The following FGF14 variants were observed in gnomAD, a reference collection of about 807,000 sequenced individuals.
The protein encoded by FGF14 is fibroblast growth factor 14.
A neutral mutation model predicts 25.5 loss-of-function variants in FGF14; 5 were observed. The ratio of observed to expected loss-of-function variants is 0.20; its 90% CI spans 0.10 to 0.41. The LOEUF (loss-of-function observed/expected upper bound fraction) is 0.41. Ranked by LOEUF, FGF14 falls within the 10% of genes least tolerant of loss-of-function variation. FGF14 has a pLI of 1.00. For synonymous variants in FGF14, 138 were observed against 118.3 expected, an observed-to-expected ratio of 1.17 and a Z score of -1.08; for missense variants, 222 against 320.1, an observed-to-expected ratio of 0.69 and a Z score of 2.34.
intron 1 of FGF14, among the ~76,000 whole-genome samples, chr13:102,173,575 C>T (rs1024479835): frequency 1.3e-5 from 2 of 152,118 alleles, no homozygotes; most frequent in African/African-American, 4.8e-5. Flanking sequence ...GTGGAAACAA[C>T]CCAAATGTCC....
chr13:102,207,937 T>A (rs1326537327), intron 1 of FGF14, among the ~76,000 whole-genome samples: 1 of 152,198 alleles, frequency 6.6e-6, no homozygotes. Context: ...TCTACAGAGT[T>A]CACAAAAATG....
At chr13:102,391,478 T>C (rs2058431659) in intron 1 of FGF14, among the ~76,000 whole-genome samples, 1 of 152,238 alleles carries the variant, frequency 6.6e-6, no homozygotes, top group Non-Finnish European at 1.5e-5. Flanking sequence ...TAAGCAATAA[T>C]GATGTAAAAT....
chr13:102,106,436 C>T (rs1301889188), intron 1 of FGF14, among the ~76,000 whole-genome samples: 4 of 151,770 alleles, frequency 2.6e-5, no homozygotes, highest in Non-Finnish European at 5.9e-5. Flanking sequence ...TAGCCAGGCA[C>T]GGTGGTGGAT....
At chr13:102,322,590 T>C (rs2056287216) in intron 1 of FGF14, among the ~76,000 whole-genome samples, 1 of 152,174 alleles carries the variant, frequency 6.6e-6, no homozygotes, top group African/African-American at 2.4e-5. Flanking sequence ...CTCATACTTA[T>C]AAATAAAGTT....
At chr13:101,867,063 A>G (rs544196053) in intron 3 of FGF14, among the ~76,000 whole-genome samples, 1 of 152,236 alleles carries the variant, frequency 6.6e-6, no homozygotes, top group East Asian at 1.9e-4. Context: ...CAAGCCTTAA[A>G]TTGTTCCCGG....
intron 1 of FGF14, among the ~76,000 whole-genome samples, chr13:102,270,564 T>G (rs1371635113): frequency 6.6e-6 from 1 of 152,170 alleles, no homozygotes; most frequent in Non-Finnish European, 1.5e-5. Context: ...TTACACATAT[T>G]GTCAACCTGC....
upstream of FGF14, among the ~76,000 whole-genome samples, chr13:101,921,819 C>T (rs2034025963): frequency 6.6e-6 from 1 of 152,184 alleles, no homozygotes; most frequent in African/African-American, 2.4e-5. Context: ...CTTGCTGTTG[C>T]ATTTGACTCT....
intron 3 of FGF14, among the ~76,000 whole-genome samples, chr13:101,768,995 T>C (rs780519438): frequency 2.6e-5 from 4 of 152,182 alleles, no homozygotes; most frequent in Non-Finnish European, 1.5e-5. Flanking sequence ...AAATTTCTGC[T>C]TTGCAAATGA....
Position 101,773,432 on chromosome 13 carries a change from T to C in FGF14, c.409-46622A>G, listed in dbSNP as rs373167933. ...GGCATTTTTTTTTTCTTGTCAGTGA[T>C]ATAGGTGAACACAATTTCATAAAAC... is the stretch of plus-strand genomic sequence containing the variant. On this transcript the variant is annotated intron_variant, in intron 3 of 4. Coordinates refer to ENST00000376143, the MANE Select transcript of FGF14 (RefSeq NM_004115.4). 1.2e-4 allele frequency among the ~76,000 whole-genome samples: 19 copies of C among 152,138 alleles called. 1 individual carries two copies. In the East Asian group the frequency reaches 1.7e-3, roughly 14 times the overall value.
At chr13:102,225,242 T>C (rs1211739996) in intron 1 of FGF14, among the ~76,000 whole-genome samples, 4 of 152,074 alleles carry the variant, frequency 2.6e-5, no homozygotes, top group African/African-American at 9.7e-5. Flanking sequence ...CCTTAGCCCA[T>C]GGACAAGGCC....
rs541695364 is a variant in FGF14 at position 101,778,114 on chromosome 13, T to C, written c.409-51304A>G. On this transcript the variant is annotated intron_variant, in intron 3 of 4. Transcript: ENST00000376143. ...TGTCTGGGATGCTTGCTTCAGTCAGTGAGGCAAAGGAAAGTCCGGCTGCCA... is the reference window on the plus strand; with the variant it reads ...TGTCTGGGATGCTTGCTTCAGTCAGCGAGGCAAAGGAAAGTCCGGCTGCCA... Among the ~76,000 whole-genome samples the C allele has an allele frequency of 2.0e-5, 3 of 152,292 alleles. No individual in the cohort carries two copies. The South Asian group carries it at 6.2e-4, about 32-fold the overall frequency.
At chr13:102,195,573 AAGAG>A (rs1270830132) in intron 1 of FGF14, among the ~76,000 whole-genome samples, 1 of 145,214 alleles carries the variant, frequency 6.9e-6, no homozygotes, top group Non-Finnish European at 1.5e-5. Context: ...ATAATGGAAA[AAGAG>A]AGAAACAAAC....
At chr13:101,999,449 C>G (rs966705421) in intron 1 of FGF14, among the ~76,000 whole-genome samples, 1 of 152,094 alleles carries the variant, frequency 6.6e-6, no homozygotes, top group Admixed American at 6.5e-5. Flanking sequence ...AAGCAGCAAA[C>G]TATTTTGCAA....
chr13:101,804,596 A>G (rs886957622), intron 3 of FGF14, among the ~76,000 whole-genome samples: 1 of 152,146 alleles, frequency 6.6e-6, no homozygotes, highest in Non-Finnish European at 1.5e-5. Context: ...GCACACATAC[A>G]CACATATGCT....
intron 3 of FGF14, among the ~76,000 whole-genome samples, chr13:101,745,861 G>A (rs893887669): frequency 6.6e-6 from 1 of 151,980 alleles, no homozygotes. Context: ...CACACTTAGG[G>A]GAATGAAGAT....
At position 101,764,660 on chromosome 13, in the gene FGF14, T is replaced by C. The variant is rs79080691; in HGVS notation, c.409-37850A>G. 2.1e-3 allele frequency among the ~76,000 whole-genome samples: 318 copies of C among 152,306 alleles called. 11 individuals carry two copies. The East Asian group carries it at 0.054, about 26-fold the overall frequency. ...CATGTCATTCTTTGTCATAGGGCTA[T>C]CCCATACGATGTAGGCTTAGTGGGA... On this transcript the variant is annotated intron_variant, in intron 3 of 4. Transcript: ENST00000376143.
chr13:102,268,485 A>T (rs975311866), intron 1 of FGF14, among the ~76,000 whole-genome samples: 1 of 152,092 alleles, frequency 6.6e-6, no homozygotes, highest in Admixed American at 6.5e-5. Context: ...GTTATAATAC[A>T]TTATATACAT....
chr13:102,295,813 CT>C (rs1444418457), intron 1 of FGF14, among the ~76,000 whole-genome samples: 1 of 152,146 alleles, frequency 6.6e-6, no homozygotes, highest in African/African-American at 2.4e-5. Flanking sequence ...AAAATAATGT[CT>C]GAATGGGCAG....
At chr13:102,201,532 C>CAGAAGAAATCG (rs2049650443) in intron 1 of FGF14, among the ~76,000 whole-genome samples, 3 of 152,174 alleles carry the variant, frequency 2.0e-5, no homozygotes, top group Non-Finnish European at 4.4e-5. Flanking sequence ...TGTTGTTTCA[C>CAGAAGAAATCG]TGAAAATCGT....
Sources: allele counts gnomAD v4.1 joint callset (sites outside exome capture counted in the v4.1 genomes callset), GRCh38; gene constraint gnomAD v4.1.1; transcripts MANE v1.5; gene names NCBI Gene and HGNC (gene_info 2026-07-23, HGNC 2026-07-21).